The following PRMT3 variants were observed in gnomAD, a reference collection of about 807,000 sequenced individuals.
PRMT3 encodes the protein protein arginine methyltransferase 3, also known as protein arginine N-methyltransferase 3.
PRMT3 carries 62 observed loss-of-function variants against 71.9 expected under a neutral mutation model. The ratio of observed to expected loss-of-function variants is 0.86; its 90% CI spans 0.70 to 1.07. The LOEUF is 1.07. Ranked by LOEUF, PRMT3 falls within the 50% of genes least tolerant of loss-of-function variation. The pLI, the probability that PRMT3 is intolerant of heterozygous loss-of-function variation, is 0.00. For missense variants in PRMT3, 663 were observed against 643.0 expected, an observed-to-expected ratio of 1.03 and a Z score of -0.34; for synonymous variants, 213 against 220.4, an observed-to-expected ratio of 0.97 and a Z score of 0.30.
At chr11:20,471,919 C>T (rs1001360780) in intron 13 of PRMT3, among the ~76,000 whole-genome samples, 1 of 152,080 alleles carries the variant, frequency 6.6e-6, no homozygotes, top group African/African-American at 2.4e-5. Flanking sequence ...TCCTTCACTT[C>T]CCTCGTTAGC....
chr11:20,468,677 A>G (rs1385316129), intron 13 of PRMT3, among the ~76,000 whole-genome samples: 2 of 152,130 alleles, frequency 1.3e-5, no homozygotes, highest in African/African-American at 4.8e-5. Context: ...GGTCATAACC[A>G]TTTATTTCTT....
At chr11:20,505,923 A>G (rs1171392824) in intron 15 of PRMT3, among the ~76,000 whole-genome samples, 2 of 151,670 alleles carry the variant, frequency 1.3e-5, no homozygotes, top group African/African-American at 2.4e-5. Flanking sequence ...CTTATTCATT[A>G]TAGTATATTT....
chr11:20,484,909 G>A (rs527249823), intron 13 of PRMT3, among the ~76,000 whole-genome samples: 127 of 152,336 alleles, frequency 8.3e-4, no homozygotes, highest in African/African-American at 2.9e-3. Flanking sequence ...ACTCAGAAAA[G>A]AAGGTAATCT....
At chr11:20,473,650 A>G (rs1167482862) in intron 13 of PRMT3, among the ~76,000 whole-genome samples, 2 of 152,142 alleles carry the variant, frequency 1.3e-5, no homozygotes, top group South Asian at 2.1e-4. Context: ...ATGTTTTACC[A>G]TGATTCTTAG....
At chr11:20,391,285 G>T (rs925726658) in intron 3 of PRMT3, among the ~76,000 whole-genome samples, 1 of 150,700 alleles carries the variant, frequency 6.6e-6, no homozygotes, top group South Asian at 2.1e-4. Context: ...CGCTCTTGTT[G>T]CCCAGGCTGG....
chr11:20,393,206 T>G (rs1419475437), intron 5 of PRMT3, among the ~76,000 whole-genome samples: 1 of 152,192 alleles, frequency 6.6e-6, no homozygotes, highest in Non-Finnish European at 1.5e-5. Flanking sequence ...CCCAACACTT[T>G]GGGAGGCTAA....
At position 20,508,301 on chromosome 11, in the gene PRMT3, C is replaced by T. The variant is rs777635132; in HGVS notation, c.1487-3C>T. On this transcript the variant is annotated splice_polypyrimidine_tract_variant and splice_region_variant and intron_variant, in intron 15 of 15. Transcript: ENST00000331079. ...CTTAACAATTTTTGCCTTTGTTTTACAGGTGAAGCCTTGAAAGGAAAGGTC... is the reference window on the plus strand; with the variant it reads ...CTTAACAATTTTTGCCTTTGTTTTATAGGTGAAGCCTTGAAAGGAAAGGTC... 1.8e-5 allele frequency: 28 copies of T among 1,584,308 alleles called. 1 individual carries two copies. Among genetic ancestry groups the T allele is most frequent in the Middle Eastern group, 3.3e-4 (2 of 6,008 alleles).
At chr11:20,460,123 T>A (rs1850350721) in intron 11 of PRMT3, among the ~76,000 whole-genome samples, 1 of 152,190 alleles carries the variant, frequency 6.6e-6, no homozygotes, top group African/African-American at 2.4e-5. Context: ...ATTTGGAGAA[T>A]AATTTAGTGC....
At chr11:20,465,665 TTAAA>T (rs1228141916) in intron 13 of PRMT3, among the ~76,000 whole-genome samples, 3 of 151,808 alleles carry the variant, frequency 2.0e-5, no homozygotes, top group Admixed American at 6.5e-5. Context: ...TTTTTAAAGT[TTAAA>T]TATCCAGATT....
chr11:20,406,037 AT>A (rs1849062667), intron 8 of PRMT3: 1 of 152,140 alleles, frequency 6.6e-6, no homozygotes, highest in South Asian at 2.1e-4. Context: ...ACTCATATAC[AT>A]CATATAAGTG....
intron 3 of PRMT3, 152 bp downstream of exon 3, chr11:20,389,978 C>T: frequency 1.8e-6 from 1 of 553,624 alleles, no homozygotes; most frequent in African/African-American, 1.9e-5. Flanking sequence ...ATGCTGAAAC[C>T]CCACCTGTAC....
intron 6 of PRMT3, among the ~76,000 whole-genome samples, chr11:20,396,321 G>A (rs987826850): frequency 1.3e-5 from 2 of 152,072 alleles, no homozygotes; most frequent in South Asian, 2.1e-4. Context: ...GGAAAATACA[G>A]GGTTGAAGTT....
At chr11:20,437,763 G>T (rs1430544549) in intron 10 of PRMT3, among the ~76,000 whole-genome samples, 2 of 151,952 alleles carry the variant, frequency 1.3e-5, no homozygotes, top group Non-Finnish European at 2.9e-5. Flanking sequence ...CTAATTTTTT[G>T]CATTTTTAGT....
intron 15 of PRMT3, among the ~76,000 whole-genome samples, chr11:20,504,749 A>C (rs1006073898): frequency 6.6e-6 from 1 of 150,790 alleles, no homozygotes; most frequent in African/African-American, 2.4e-5. Context: ...AGAGAGAGCG[A>C]GAGCGACTGA....
At chr11:20,442,782 C>T (rs1315179852) in intron 10 of PRMT3, among the ~76,000 whole-genome samples, 4 of 152,072 alleles carry the variant, frequency 2.6e-5, no homozygotes, top group Admixed American at 6.5e-5. Context: ...TTACATTCTA[C>T]GTAATTAATG....
intron 9 of PRMT3, among the ~76,000 whole-genome samples, chr11:20,418,591 G>A (rs1371141778): frequency 6.6e-6 from 1 of 152,004 alleles, no homozygotes; most frequent in Non-Finnish European, 1.5e-5. Flanking sequence ...TCTTGTTTCG[G>A]CATAACCATT....
In PRMT3 at chr11:20,388,148, G is replaced by A. The variant is rs777062784; in HGVS notation, c.158G>A (p.Cys53Tyr). 1 of 1,613,930 alleles carries A rather than the reference G, an allele frequency of 6.2e-7. No homozygotes were observed. The highest frequency in any genetic ancestry group is 1.7e-5 in the Admixed American group (1 of 60,030). ...AAGCAGCAGACCCCCTGCCTGTTCT[G>A]TAACAGGTTCGTCCGCCTCAGCGCC... ...HGKQQTPCLF[C>Y]NRLFTSAEET... The change falls in exon 2 of 16, where the codon TGT (cysteine) becomes TAT (tyrosine). Residue 53 changes from cysteine (C) to tyrosine (Y), a missense_variant. Cys to Tyr is a radical substitution (Grantham distance 194). Coordinates refer to ENST00000331079, the MANE Select transcript of PRMT3 (RefSeq NM_005788.4).
intron 13 of PRMT3, among the ~76,000 whole-genome samples, chr11:20,468,462 A>G (rs1037220645): frequency 1.3e-5 from 2 of 152,094 alleles, no homozygotes; most frequent in Admixed American, 1.3e-4. Flanking sequence ...TCCGCCTTCC[A>G]GGTTCAAGCG....
intron 13 of PRMT3, among the ~76,000 whole-genome samples, chr11:20,487,033 G>T (rs1291820821): frequency 6.7e-6 from 1 of 149,262 alleles, no homozygotes; most frequent in Non-Finnish European, 1.5e-5. Flanking sequence ...CTCCAACCTG[G>T]GCAATAGAGT....
Sources: allele counts gnomAD v4.1 joint callset (sites outside exome capture counted in the v4.1 genomes callset), GRCh38; gene constraint gnomAD v4.1.1; transcripts MANE v1.5; gene names NCBI Gene and HGNC (gene_info 2026-07-23, HGNC 2026-07-21).